Variants in TRARG1 observed in about 807,000 individuals in gnomAD.
The protein encoded by TRARG1 is trafficking regulator of GLUT4 1.
TRARG1 carries 16 observed loss-of-function variants against 13.3 expected under a neutral mutation model. The ratio of observed to expected loss-of-function variants is 1.20; its 90% CI spans 0.81 to 1.83. The LOEUF (loss-of-function observed/expected upper bound fraction) is 1.83, where lower values mean the gene tolerates loss of function less well. Among genes scored for constraint, TRARG1 ranks in the 40% most tolerant of loss-of-function variants. The pLI is 0.00. For synonymous variants in TRARG1, 113 were observed against 106.2 expected (o/e 1.06, Z -0.39); for missense variants, 250 against 237.4 (o/e 1.05, Z -0.35).
At chr17:1,294,355 G>A (rs1433550882) in intron 1 of TRARG1, among the ~76,000 whole-genome samples, 1 of 152,048 alleles carries the variant, frequency 6.6e-6, no homozygotes, top group Non-Finnish European at 1.5e-5. Flanking sequence ...ACCCAGTCCT[G>A]GTCTCCCCAG....
rs920909957 is a variant in TRARG1, at chr17:1,299,604, C to T, written c.*1340C>T. 1.3e-5 allele frequency: 2 copies of T among 152,418 alleles called. No individual in the cohort carries two copies. Among genetic ancestry groups the T allele is most frequent in the Non-Finnish European group, 1.5e-5 (1 of 68,258 alleles). The allele number at this position is 152,418 out of a possible 1,614,324, so 9.4% of individuals were successfully genotyped here. A position where few individuals can be genotyped will look rare whatever the true frequency, so the allele number is the denominator to read the frequency against. On this transcript the variant is annotated 3_prime_UTR_variant, in exon 3 of 3. Coordinates refer to ENST00000333813, the MANE Select transcript of TRARG1 (RefSeq NM_172367.3). ...GGCCCATGATTTTCCCTACACTTCT[C>T]CCTGGCCCAGGCTCCAGCCACAGGC...
chr17:1,293,144 C>T (rs1436138744), intron 1 of TRARG1, among the ~76,000 whole-genome samples: 5 of 151,882 alleles, frequency 3.3e-5, no homozygotes, highest in African/African-American at 9.7e-5. Flanking sequence ...ATTAGCCGGG[C>T]GTAGTGGCGG....
chr17:1,295,701 G>A, intron 2 of TRARG1, 78 bp downstream of exon 2: 2 of 1,474,618 alleles, frequency 1.4e-6, no homozygotes, highest in East Asian at 2.5e-5. Flanking sequence ...CCAGCCTCAG[G>A]GGCAGAGGTG....
At position 1,279,677 on chromosome 17, in the gene TRARG1, C is replaced by T. The variant is rs2071957069; in HGVS notation, c.-325C>T. 3 of 330,828 alleles carry T rather than the reference C, an allele frequency of 9.1e-6. No individual in the cohort carries two copies. The South Asian group carries it at 1.8e-4, about 20-fold the overall frequency. 20.5% of individuals were successfully genotyped at this position (330,828 alleles called of 1,614,324 possible). On this transcript the variant is annotated 5_prime_UTR_variant, in exon 1 of 3. Transcript: ENST00000333813. ...GGGAAGAGGCGCATTCTTCTCTCTG[C>T]TCTCTGAGCTTTCCGTTGCTTCCCT...
chr17:1,287,542 A>C (rs1451033176), intron 1 of TRARG1, among the ~76,000 whole-genome samples: 1 of 151,568 alleles, frequency 6.6e-6, no homozygotes, highest in Non-Finnish European at 1.5e-5. Context: ...TTGTATTTTT[A>C]TAGTAGAGAT....
In TRARG1 at chr17:1,293,283, C is replaced by CAA. The variant is rs55792385; in HGVS notation, c.388-2189_388-2188dup. ...TGGGCGACAGAGCAAGACTCTGTCTCAAAAAAAAAAAAAAAAAAAAGATAG... is the reference window on the plus strand; with the variant it reads ...TGGGCGACAGAGCAAGACTCTGTCTCAAAAAAAAAAAAAAAAAAAAAAGATAG... On this transcript the variant is annotated intron_variant, in intron 1 of 2. Transcript: ENST00000333813. Among the ~76,000 whole-genome samples the CAA allele has an allele frequency of 3.4e-3, 265 of 77,192 alleles. 12 individuals are homozygous for CAA. Among genetic ancestry groups the CAA allele is most frequent in the African/African-American group, 0.011 (200 of 19,044 alleles). The allele number at this position is 77,192 out of a possible 152,430, so 50.6% of individuals were successfully genotyped here.
intron 1 of TRARG1, among the ~76,000 whole-genome samples, chr17:1,281,973 C>CATGTACATATATGCACAT (rs1491381534): frequency 1.6e-4 from 24 of 151,410 alleles, no homozygotes; most frequent in African/African-American, 3.9e-4. Context: ...TATATGCACA[C>CATGTACATATATGCACAT]GTGTACATAT....
In TRARG1 at chr17:1,293,041, A is replaced by G. The variant is rs143309031; in HGVS notation, c.388-2450A>G. ...AGTGACTCACACCTGTACTCCCAGCACTTTGGGAGGCCAATGTGGGCAGAT... is the reference window on the plus strand; with the variant it reads ...AGTGACTCACACCTGTACTCCCAGCGCTTTGGGAGGCCAATGTGGGCAGAT... On this transcript the variant is annotated intron_variant, in intron 1 of 2. Coordinates refer to ENST00000333813, the MANE Select transcript of TRARG1 (RefSeq NM_172367.3). 7.1e-3 allele frequency among the ~76,000 whole-genome samples: 1,076 copies of G among 152,194 alleles called. 13 individuals are homozygous for G. The highest frequency in any genetic ancestry group is 0.024 in the African/African-American group (1,016 of 41,520).
rs2072130771 is a variant in TRARG1 at position 1,298,725 on chromosome 17, G to A, written c.*461G>A. 6.0e-6 allele frequency: 1 copy of A among 166,384 alleles called. No homozygotes were observed. Among genetic ancestry groups the A allele is most frequent in the Admixed American group, 6.2e-5 (1 of 16,162 alleles). 10.3% of individuals were successfully genotyped at this position (166,384 alleles called of 1,614,324 possible). ...ATCTTTTGTGTTTTCCTCAAGCGGGGAAAGAATGGACTGTTTGCATGCTTC... is the reference window on the plus strand; with the variant it reads ...ATCTTTTGTGTTTTCCTCAAGCGGGAAAAGAATGGACTGTTTGCATGCTTC... On this transcript the variant is annotated 3_prime_UTR_variant, in exon 3 of 3. Transcript: ENST00000333813.
intron 1 of TRARG1, among the ~76,000 whole-genome samples, chr17:1,284,781 C>T (rs1318688624): frequency 2.0e-5 from 3 of 152,054 alleles, no homozygotes; most frequent in Middle Eastern, 3.4e-3. Context: ...CCCGGGTTCA[C>T]GCCATTCTCC....
In TRARG1 at chr17:1,295,614, A is replaced by C; in HGVS notation, c.511A>C (p.Asn171His). The change falls in exon 2 of 3, where the codon AAC becomes CAC. Residue 171 changes from asparagine (N) to histidine (H), a missense_variant. Coordinates refer to ENST00000333813, the MANE Select transcript of TRARG1 (RefSeq NM_172367.3). ...IVIIMVAVTV[N>H]FTVQKK ...CATTATCATGGTGGCCGTGACCGTCAACTTCACAGGTGAGACCCAGCTCCT... is the reference window on the plus strand; with the variant it reads ...CATTATCATGGTGGCCGTGACCGTCCACTTCACAGGTGAGACCCAGCTCCT... 1 of 1,611,896 alleles carries C rather than the reference A, an allele frequency of 6.2e-7. No homozygotes were observed. Among genetic ancestry groups the C allele is most frequent in the Non-Finnish European group, 8.5e-7 (1 of 1,179,170 alleles).
intron 1 of TRARG1, among the ~76,000 whole-genome samples, chr17:1,290,858 C>T (rs939566524): frequency 2.6e-5 from 4 of 151,476 alleles, no homozygotes; most frequent in African/African-American, 4.9e-5. Context: ...GTTACCCCCA[C>T]GCTGCTGCTC....
At chr17:1,283,275 G>A (rs975522401) in intron 1 of TRARG1, among the ~76,000 whole-genome samples, 6 of 152,180 alleles carry the variant, frequency 3.9e-5, no homozygotes, top group Middle Eastern at 3.4e-3. Flanking sequence ...GAAATGAGAC[G>A]GGCCACACCC....
At chr17:1,296,835 G>T (rs2072115182) in intron 2 of TRARG1, among the ~76,000 whole-genome samples, 2 of 150,322 alleles carry the variant, frequency 1.3e-5, no homozygotes, top group Admixed American at 6.6e-5. Context: ...AGTAGAGATG[G>T]GGTTGCATCA....
chr17:1,281,766 G>A (rs2071973809), intron 1 of TRARG1, among the ~76,000 whole-genome samples: 1 of 152,076 alleles, frequency 6.6e-6, no homozygotes, highest in South Asian at 2.1e-4. Context: ...TGGATTTGGG[G>A]AGGGAAGCTA....
In TRARG1 at chr17:1,280,044, C is replaced by T. The variant is rs111587833; in HGVS notation, c.43C>T (p.Pro15Ser). 133,519 of 1,613,242 alleles carry T rather than the reference C, an allele frequency of 0.083. 6,245 individuals are homozygous for T. The highest frequency in any genetic ancestry group is 0.16 in the East Asian group (7,298 of 44,880). Reference protein sequence around the residue: ...VQSEFPSAQEPGSAAFLDLPE... With the variant: ...VQSEFPSAQESGSAAFLDLPE... ...GTCCGAGTTTCCTTCAGCACAGGAGCCAGGCTCCGCCGCATTCCTGGACCT... is the reference window on the plus strand; with the variant it reads ...GTCCGAGTTTCCTTCAGCACAGGAGTCAGGCTCCGCCGCATTCCTGGACCT... Residue 15 changes from proline to serine, a missense_variant, in exon 1 of 3, where the codon CCA becomes TCA. Physicochemically the swap from Pro to Ser is moderately conservative, Grantham distance 74. Transcript: ENST00000333813.
rs561433593 is a variant in TRARG1, at chr17:1,282,211, T to C, written c.387+1823T>C. On this transcript the variant is annotated intron_variant, in intron 1 of 2. Transcript: ENST00000333813. ...ATGTACGTGTACACGTGCGTATATG[T>C]ACGTATACACGTGCGTATATGTACG... Among the ~76,000 whole-genome samples the C allele has an allele frequency of 4.3e-3, 588 of 137,612 alleles. 34 individuals carry two copies. The highest frequency in any genetic ancestry group is 0.017 in the African/African-American group (543 of 32,664). 90.3% of individuals were successfully genotyped at this position (137,612 alleles called of 152,430 possible). A position where few individuals can be genotyped will look rare whatever the true frequency, so the allele number is the denominator to read the frequency against.
At chr17:1,281,370 T>G (rs565927650) in intron 1 of TRARG1, among the ~76,000 whole-genome samples, 18 of 81,932 alleles carry the variant, frequency 2.2e-4, no homozygotes, top group African/African-American at 6.7e-4. Flanking sequence ...GAGGACTAGG[T>G]GTGGAGGGGG....
chr17:1,282,695 T>C (rs1280364307), intron 1 of TRARG1, among the ~76,000 whole-genome samples: 3 of 146,468 alleles, frequency 2.0e-5, no homozygotes, highest in African/African-American at 7.6e-5. Context: ...AAAGGTTTTG[T>C]TTTGTTTTAT....
Sources: gnomAD v4.1 joint callset for allele counts (sites outside exome capture counted in the v4.1 genomes callset) on GRCh38, gnomAD v4.1.1 for gene constraint, MANE v1.5 for transcripts, NCBI Gene and HGNC (gene_info 2026-07-23, HGNC 2026-07-21) for gene names.